The following CTNND2 variants were observed in gnomAD, a reference collection of about 807,000 sequenced individuals.
CTNND2 encodes the protein catenin delta-2.
CTNND2 carries 22 observed loss-of-function variants against 144.4 expected under a neutral mutation model. The observed-to-expected ratio is 0.15, with a 90% CI of 0.11 to 0.22. The LOEUF (loss-of-function observed/expected upper bound fraction) is 0.22. Among genes scored for constraint, CTNND2 ranks in the 10% least tolerant of loss-of-function variants. The probability of loss-of-function intolerance (pLI) is 1.00; values close to 1 mark genes in which losing one functional copy is unlikely to be tolerated. For missense variants in CTNND2, 1,353 were observed against 1,618.8 expected, an observed-to-expected ratio of 0.84 and a Z score of 2.82; for synonymous variants, 751 against 695.6, an observed-to-expected ratio of 1.08 and a Z score of -1.25.
At chr5:11,035,550 G>A (rs1047538356) in intron 16 of CTNND2, among the ~76,000 whole-genome samples, 1 of 152,086 alleles carries the variant, frequency 6.6e-6, no homozygotes, top group African/African-American at 2.4e-5. Context: ...AATTCCCCTT[G>A]GCCACGTAAG....
intron 9 of CTNND2, among the ~76,000 whole-genome samples, chr5:11,279,798 G>C (rs1746932388): frequency 6.6e-6 from 1 of 152,164 alleles, no homozygotes; most frequent in Non-Finnish European, 1.5e-5. Flanking sequence ...ACATCACATG[G>C]TGAAAGCAGG....
At chr5:11,279,405 C>A (rs1746885416) in intron 9 of CTNND2, among the ~76,000 whole-genome samples, 1 of 152,280 alleles carries the variant, frequency 6.6e-6, no homozygotes, top group Middle Eastern at 3.4e-3. Flanking sequence ...TGTAATCTGA[C>A]TACTTCTCAT....
In CTNND2 at chr5:11,565,059, G is replaced by A; in HGVS notation, c.175-3C>T. 1 of 1,606,062 alleles carries A rather than the reference G, an allele frequency of 6.2e-7. No individual in the cohort carries two copies. The highest frequency in any genetic ancestry group is 8.5e-7 in the Non-Finnish European group (1 of 1,172,746). ...GTCAGCCTTTCAAACTGTAATTCCTGAAAGAAACCCATCAACAAGATCAAT... is the reference window on the plus strand; with the variant it reads ...GTCAGCCTTTCAAACTGTAATTCCTAAAAGAAACCCATCAACAAGATCAAT... On this transcript the variant is annotated splice_region_variant and splice_polypyrimidine_tract_variant and intron_variant, in intron 2 of 21. Transcript: ENST00000304623.
intron 15 of CTNND2, among the ~76,000 whole-genome samples, chr5:11,094,545 T>C (rs1425905095): frequency 6.6e-6 from 1 of 150,654 alleles, no homozygotes; most frequent in Non-Finnish European, 1.5e-5. Context: ...AGTGGCGTGA[T>C]CCTGGCTCAC....
At chr5:11,623,793 T>C (rs1362625291) in intron 2 of CTNND2, among the ~76,000 whole-genome samples, 3 of 68,620 alleles carry the variant, frequency 4.4e-5, no homozygotes, top group African/African-American at 2.0e-4. Flanking sequence ...ATCGTAAATA[T>C]ATATATGTGT....
chr5:11,411,903 C>CATA, intron 4 of CTNND2, 132 bp downstream of exon 4: 5 of 788,506 alleles, frequency 6.3e-6, no homozygotes, highest in Non-Finnish European at 1.1e-5. Context: ...ACTATCATAA[C>CATA]AACTTCATCT....
chr5:11,389,381 A>G (rs2149805941), intron 6 of CTNND2, among the ~76,000 whole-genome samples: 1 of 152,360 alleles, frequency 6.6e-6, no homozygotes, highest in Middle Eastern at 3.4e-3. Context: ...CAAGAAAAAT[A>G]TGGAACATTA....
At chr5:11,816,371 T>C (rs138865199) in intron 1 of CTNND2, among the ~76,000 whole-genome samples, 1 of 151,946 alleles carries the variant, frequency 6.6e-6, no homozygotes, top group East Asian at 2.0e-4. Flanking sequence ...CCAGATGTGG[T>C]TGGGAGATCT....
At chr5:11,344,753 A>C (rs556344590) in intron 9 of CTNND2, among the ~76,000 whole-genome samples, 192 of 152,284 alleles carry the variant, frequency 1.3e-3, no homozygotes, top group Non-Finnish European at 2.2e-3. Context: ...TATAAGTGAC[A>C]TAATCCATAA....
intron 1 of CTNND2, among the ~76,000 whole-genome samples, chr5:11,783,619 C>A (rs1694241124): frequency 6.6e-6 from 1 of 151,910 alleles, no homozygotes. Context: ...GAAGAGCTGC[C>A]AAGATGAAAT....
At chr5:11,057,217 T>C (rs1027534407) in intron 16 of CTNND2, among the ~76,000 whole-genome samples, 2 of 152,116 alleles carry the variant, frequency 1.3e-5, no homozygotes, top group East Asian at 3.9e-4. Flanking sequence ...AAACAGGAAG[T>C]TTAATGAGGA....
chr5:11,613,878 C>T (rs1320572777), intron 2 of CTNND2, among the ~76,000 whole-genome samples: 2 of 152,180 alleles, frequency 1.3e-5, no homozygotes, highest in African/African-American at 4.8e-5. Flanking sequence ...CATCTGACTC[C>T]CGAACAAAAC....
chr5:11,558,541 AT>A (rs199720130), intron 3 of CTNND2, among the ~76,000 whole-genome samples: 3 of 151,048 alleles, frequency 2.0e-5, no homozygotes, highest in Non-Finnish European at 3.0e-5. Flanking sequence ...AATTTTTTGT[AT>A]TTTTTTTTGT....
intron 1 of CTNND2, among the ~76,000 whole-genome samples, chr5:11,867,919 T>C (rs1243193750): frequency 1.3e-5 from 2 of 151,170 alleles, no homozygotes; most frequent in African/African-American, 4.9e-5. Flanking sequence ...CACTGTTTTA[T>C]GATCTAAGGC....
chr5:11,030,394 G>A (rs534759685), intron 16 of CTNND2, among the ~76,000 whole-genome samples: 1 of 151,976 alleles, frequency 6.6e-6, no homozygotes, highest in East Asian at 1.9e-4. Flanking sequence ...TCTTGATGAT[G>A]TCCACAGAAC....
intron 10 of CTNND2, among the ~76,000 whole-genome samples, chr5:11,215,199 C>T (rs1199732413): frequency 1.3e-5 from 2 of 152,200 alleles, no homozygotes; most frequent in Non-Finnish European, 1.5e-5. Flanking sequence ...AGCAGATTCA[C>T]ACTTGGGAAC....
intron 3 of CTNND2, among the ~76,000 whole-genome samples, chr5:11,517,255 C>A (rs1772250501): frequency 6.6e-6 from 1 of 152,192 alleles, no homozygotes. Flanking sequence ...ATTTTAACTA[C>A]TCTGCTACAA....
intron 8 of CTNND2, among the ~76,000 whole-genome samples, chr5:11,360,464 A>G (rs1019742294): frequency 6.6e-6 from 1 of 152,152 alleles, no homozygotes; most frequent in African/African-American, 2.4e-5. Flanking sequence ...CAGGGCAGAA[A>G]GAGTAGAGTG....
chr5:11,130,509 G>A lies in CTNND2; in HGVS notation c.2160-12942C>T, dbSNP rs537044512. Among the ~76,000 whole-genome samples, 83 of 152,196 alleles carry A rather than the reference G, an allele frequency of 5.5e-4. 1 individual carries two copies. Among genetic ancestry groups the A allele is most frequent in the Middle Eastern group, 3.4e-3 (1 of 294 alleles). ...ATGATTCCAATTAAAACTGATGGTC[G>A]CCACAGAGTTAACTGCTCTATGAAA... On this transcript the variant is annotated intron_variant, in intron 12 of 21. Coordinates refer to ENST00000304623, the MANE Select transcript of CTNND2 (RefSeq NM_001332.4).
Sources: gnomAD v4.1 joint callset for allele counts (sites outside exome capture counted in the v4.1 genomes callset) on GRCh38, gnomAD v4.1.1 for gene constraint, MANE v1.5 for transcripts, NCBI Gene and HGNC (gene_info 2026-07-23, HGNC 2026-07-21) for gene names.